Variants in PLCL1 observed in about 807,000 individuals in gnomAD.
PLCL1 encodes phospholipase C like 1 (inactive).
In PLCL1, 41 loss-of-function variants were observed where a neutral mutation model predicts 84.4. The observed-to-expected ratio is 0.49, with a 90% CI of 0.38 to 0.63. PLCL1 has a LOEUF of 0.63. Among genes scored for constraint, PLCL1 ranks in the 30% least tolerant of loss-of-function variants. The pLI is 0.00. For missense variants in PLCL1, 1,206 were observed against 1,367.8 expected, an observed-to-expected ratio of 0.88 and a Z score of 1.87; for synonymous variants, 490 against 488.3, an observed-to-expected ratio of 1.00 and a Z score of -0.05.
chr2:197,835,201 C>T (rs1352937511), intron 1 of PLCL1, among the ~76,000 whole-genome samples: 5 of 152,030 alleles, frequency 3.3e-5, no homozygotes, highest in Non-Finnish European at 7.4e-5. Flanking sequence ...ATGTAGATGA[C>T]GGGTTGATGG....
At position 198,088,878 on chromosome 2, in the gene PLCL1, G is replaced by C; in HGVS notation, c.2736G>C (p.Lys912Asn). The C allele has an allele frequency of 1.2e-6, 2 of 1,610,068 alleles. No individual in the cohort carries two copies. The highest frequency in any genetic ancestry group is 1.7e-6 in the Non-Finnish European group (2 of 1,176,274). ...CACAGAATGCAATCGTGTCTATTAAGGAACTATGTGGACTCCCTCCAATTG... is the reference window on the plus strand; with the variant it reads ...CACAGAATGCAATCGTGTCTATTAACGAACTATGTGGACTCCCTCCAATTG... ...ENMQNAIVSI[K>N]ELCGLPPIAS... Residue 912 changes from lysine to asparagine, a missense_variant, in exon 3 of 6, where the codon AAG becomes AAC. Coordinates refer to ENST00000428675, the MANE Select transcript of PLCL1 (RefSeq NM_006226.4).
intron 1 of PLCL1, among the ~76,000 whole-genome samples, chr2:197,983,200 C>CTTT (rs760577848): frequency 1.7e-5 from 1 of 60,278 alleles, no homozygotes; most frequent in Non-Finnish European, 3.0e-5. Flanking sequence ...CTTTTCTTTT[C>CTTT]TTTTTTTTTT....
At chr2:197,954,427 G>T (rs116059744) in intron 1 of PLCL1, among the ~76,000 whole-genome samples, 26 of 152,030 alleles carry the variant, frequency 1.7e-4, no homozygotes, top group Non-Finnish European at 1.9e-4. Context: ...AGAGCTTCAG[G>T]TTAGTTTCTC....
At chr2:198,030,759 T>G (rs34997942) in intron 1 of PLCL1, among the ~76,000 whole-genome samples, 11,631 of 152,154 alleles carry the variant, frequency 0.076, 591 homozygotes, top group Non-Finnish European at 0.11. Context: ...CTCACCAAGT[T>G]TACAGTTAGC....
intron 1 of PLCL1, among the ~76,000 whole-genome samples, chr2:197,889,438 A>G (rs1055454371): frequency 6.6e-6 from 1 of 152,212 alleles, no homozygotes; most frequent in Non-Finnish European, 1.5e-5. Flanking sequence ...CTTTAACCAA[A>G]AAAAAACAGG....
At chr2:198,072,430 C>A (rs1692485237) in intron 1 of PLCL1, among the ~76,000 whole-genome samples, 1 of 151,796 alleles carries the variant, frequency 6.6e-6, no homozygotes, top group Non-Finnish European at 1.5e-5. Flanking sequence ...TAATAATGAT[C>A]TGTCACTTTC....
intron 1 of PLCL1, among the ~76,000 whole-genome samples, chr2:197,906,703 G>A (rs1303053540): frequency 6.6e-6 from 1 of 152,240 alleles, no homozygotes; most frequent in East Asian, 1.9e-4. Flanking sequence ...AGCATGGAAT[G>A]TTTTTCCATT....
rs143048754 is a variant in PLCL1 at position 198,043,012 on chromosome 2, A to G, written c.241-40746A>G. Among the ~76,000 whole-genome samples, 420 of 152,302 alleles carry G rather than the reference A, an allele frequency of 2.8e-3. 2 individuals are homozygous for G. The highest frequency in any genetic ancestry group is 9.0e-3 in the African/African-American group (375 of 41,572). On this transcript the variant is annotated intron_variant, in intron 1 of 5. Transcript: ENST00000428675. Reference sequence around the variant, plus strand: ...TGAATCTGGTAAAAATAGGACACCAATGATTTCCAAGAGAGGATATATTGG... The same window carrying G: ...TGAATCTGGTAAAAATAGGACACCAGTGATTTCCAAGAGAGGATATATTGG...
At chr2:198,112,554 T>C (rs1266645027) in intron 5 of PLCL1, among the ~76,000 whole-genome samples, 1 of 151,926 alleles carries the variant, frequency 6.6e-6, no homozygotes, top group Non-Finnish European at 1.5e-5. Context: ...ACAGTTCTAC[T>C]GTTCAGACCT....
chr2:198,078,638 C>G (rs1488026927), intron 1 of PLCL1, among the ~76,000 whole-genome samples: 2 of 152,008 alleles, frequency 1.3e-5, no homozygotes, highest in Non-Finnish European at 2.9e-5. Context: ...CACAGTTTGA[C>G]AACTGGTGTT....
chr2:197,892,201 A>G (rs1688043502), intron 1 of PLCL1, among the ~76,000 whole-genome samples: 1 of 152,230 alleles, frequency 6.6e-6, no homozygotes, highest in Admixed American at 6.5e-5. Flanking sequence ...AAGTGTTTTC[A>G]TAAAACTGAA....
intron 1 of PLCL1, among the ~76,000 whole-genome samples, chr2:198,009,254 T>G (rs1425106533): frequency 1.3e-5 from 2 of 152,018 alleles, no homozygotes; most frequent in African/African-American, 4.8e-5. Flanking sequence ...AAGAAATCAT[T>G]GCTAAATTCA....
At chr2:197,890,971 C>T (rs1688016179) in intron 1 of PLCL1, among the ~76,000 whole-genome samples, 2 of 150,978 alleles carry the variant, frequency 1.3e-5, no homozygotes, top group African/African-American at 4.9e-5. Flanking sequence ...AATGCATATT[C>T]CACTGGATGG....
At position 197,805,383 on chromosome 2, in the gene PLCL1, G is replaced by T; in HGVS notation, c.240+44G>T. 18 of 1,325,516 alleles carry T rather than the reference G, an allele frequency of 1.4e-5. No homozygotes were observed. The highest frequency in any genetic ancestry group is 1.7e-5 in the Non-Finnish European group (18 of 1,043,058). 82.1% of individuals were successfully genotyped at this position (1,325,516 alleles called of 1,614,324 possible). A position where few individuals can be genotyped will look rare whatever the true frequency, so the allele number is the denominator to read the frequency against. ...CACCGGGAGCGTGGCTGTGGGTGAT[G>T]GGTGGGTCAGGGACCCGGGCAGGAT... On this transcript the variant is annotated intron_variant, in intron 1 of 5. Coordinates refer to ENST00000428675, the MANE Select transcript of PLCL1 (RefSeq NM_006226.4). This position sits in a 1 kb window ranked among gnomAD's most constrained non-coding sequence, Gnocchi z 4.0.
chr2:198,081,084 T>C (rs887013211), intron 1 of PLCL1, among the ~76,000 whole-genome samples: 11 of 152,196 alleles, frequency 7.2e-5, no homozygotes, highest in Non-Finnish European at 1.0e-4. Flanking sequence ...AGCAGGGCGA[T>C]AGACTGTGGA....
chr2:197,840,765 G>A (rs1255648665), intron 1 of PLCL1, among the ~76,000 whole-genome samples: 3 of 152,134 alleles, frequency 2.0e-5, no homozygotes, highest in Non-Finnish European at 2.9e-5. Context: ...CGTGGAAGCC[G>A]AATGGACCAT....
intron 1 of PLCL1, among the ~76,000 whole-genome samples, chr2:197,966,900 G>A (rs1272484922): frequency 6.7e-6 from 1 of 148,316 alleles, no homozygotes; most frequent in African/African-American, 2.5e-5. Flanking sequence ...GCCCAGGCTG[G>A]AGTGCAGTGG....
intron 1 of PLCL1, among the ~76,000 whole-genome samples, chr2:197,809,425 G>T (rs1690539738): frequency 6.6e-6 from 1 of 152,186 alleles, no homozygotes; most frequent in South Asian, 2.1e-4. Context: ...AGTGACAGAA[G>T]AGTACGCATC....
At chr2:197,866,108 C>CTA (rs1257882180) in intron 1 of PLCL1, among the ~76,000 whole-genome samples, 1 of 14,966 alleles carries the variant, frequency 6.7e-5, no homozygotes, top group East Asian at 1.2e-3. Flanking sequence ...TATATATAAA[C>CTA]TATATATATA....
Sources: gnomAD v4.1 joint callset for allele counts (sites outside exome capture counted in the v4.1 genomes callset) on GRCh38, gnomAD v4.1.1 for gene constraint, Gnocchi (gnomAD v3.1) non-coding constraint, MANE v1.5 for transcripts, NCBI Gene and HGNC (gene_info 2026-07-23, HGNC 2026-07-21) for gene names.